The following RPL22 variants were observed in gnomAD, a reference collection of about 807,000 sequenced individuals.
RPL22 encodes large ribosomal subunit protein eL22.
Under a neutral mutation model 16.2 loss-of-function variants are expected in RPL22, and 4 were observed. The ratio of observed to expected loss-of-function variants is 0.25; its 90% CI spans 0.12 to 0.57. The LOEUF (loss-of-function observed/expected upper bound fraction) is 0.57, where lower values mean the gene tolerates loss of function less well. Among genes scored for constraint, RPL22 ranks in the 20% least tolerant of loss-of-function variants. RPL22 has a pLI of 0.92. For missense variants in RPL22, 83 were observed against 156.1 expected (o/e 0.53, Z 2.49); for synonymous variants, 43 against 54.8 (o/e 0.78, Z 0.95).
chr1:6,193,148 T>C, intron 2 of RPL22, 94 bp from the exon 3 acceptor site: 1 of 1,496,390 alleles, frequency 6.7e-7, no homozygotes, highest in Admixed American at 1.8e-5. Context: ...TAATATCATT[T>C]TTTGTTTTGG....
rs760144293 is a variant in RPL22, at chr1:6,199,569, G to A, written c.5C>T (p.Ala2Val). MAPVKKLVVKGG... is the reference protein window; with the variant it reads MVPVKKLVVKGG... ...ACGCGGAGCCATACTAACCACAGGA[G>A]CCATGGCGGCAGCGGAGTTAGAAAG... The change falls in exon 1 of 4, where the codon GCT (alanine) becomes GTT (valine). Residue 2 changes from alanine to valine, a missense_variant. Physicochemically the swap from Ala to Val is moderately conservative, Grantham distance 64 (BLOSUM62 0). Coordinates refer to ENST00000234875, the MANE Select transcript of RPL22 (RefSeq NM_000983.4). 17 of 1,568,250 alleles carry A rather than the reference G, an allele frequency of 1.1e-5. No homozygotes were observed. Among genetic ancestry groups the A allele is most frequent in the Non-Finnish European group, 1.4e-5 (16 of 1,156,820 alleles).
chr1:6,191,511 C>CA lies in RPL22; in HGVS notation c.242+1418dup, dbSNP rs1203497554. 4.2e-3 allele frequency among the ~76,000 whole-genome samples: 465 copies of CA among 109,938 alleles called. 1 individual carries two copies. Among genetic ancestry groups the CA allele is most frequent in the African/African-American group, 0.012 (331 of 28,314 alleles). 72.1% of individuals were successfully genotyped at this position (109,938 alleles called of 152,430 possible). A position where few individuals can be genotyped will look rare whatever the true frequency, so the allele number is the denominator to read the frequency against. On this transcript the variant is annotated intron_variant, in intron 3 of 3. Coordinates refer to ENST00000234875, the MANE Select transcript of RPL22 (RefSeq NM_000983.4). The stretch of plus-strand genomic sequence containing the variant: ...TGAAACCCCGTCTCTACTAAAAATA[C>CA]AAAAAAAAAAAAAATTAGCCAGGCG...
chr1:6,199,388 C>T (rs1667765420), intron 1 of RPL22, 174 bp downstream of exon 1: 2 of 1,340,372 alleles, frequency 1.5e-6, no homozygotes, highest in Non-Finnish European at 1.9e-6. Context: ...GCGGCCTCCT[C>T]CGCCTACAAC....
chr1:6,190,201 G>A (rs936642074), intron 3 of RPL22, among the ~76,000 whole-genome samples: 3 of 152,198 alleles, frequency 2.0e-5, no homozygotes, highest in African/African-American at 4.8e-5. Context: ...CAGGCCGGAC[G>A]CTTTGTACCC....
intron 1 of RPL22, 117 bp from the exon 2 acceptor site, chr1:6,197,873 A>T (rs1667741035): frequency 2.5e-6 from 2 of 784,758 alleles, no homozygotes; most frequent in South Asian, 3.1e-5. Flanking sequence ...AACTAACGGA[A>T]GTGTGCTCCC....
At chr1:6,197,842 T>C (rs1667740626) in intron 1 of RPL22, 86 bp from the exon 2 acceptor site, 12 of 957,352 alleles carry the variant, frequency 1.3e-5, no homozygotes, top group Non-Finnish European at 2.0e-5. Context: ...GTCATAGGTA[T>C]AAAAGTCCAT....
intron 2 of RPL22, among the ~76,000 whole-genome samples, chr1:6,195,092 G>A (rs374097372): frequency 2.5e-4 from 37 of 147,508 alleles, no homozygotes; most frequent in Non-Finnish European, 4.3e-4. Context: ...AGCCAAGATC[G>A]TGCCACTGCA....
chr1:6,197,041 T>C (rs1667728977), intron 2 of RPL22, among the ~76,000 whole-genome samples: 1 of 152,196 alleles, frequency 6.6e-6, no homozygotes, highest in Non-Finnish European at 1.5e-5. Flanking sequence ...TTTTTTGTTT[T>C]GTTTTTGAGA....
chr1:6,186,543 G>C lies in RPL22; in HGVS notation c.*129C>G. 2 of 591,904 alleles carry C rather than the reference G, an allele frequency of 3.4e-6. No homozygotes were observed. Among genetic ancestry groups the C allele is most frequent in the Non-Finnish European group, 5.6e-6 (2 of 355,850 alleles). 36.7% of individuals were successfully genotyped at this position (591,904 alleles called of 1,614,324 possible). A position where few individuals can be genotyped will look rare whatever the true frequency, so the allele number is the denominator to read the frequency against. The stretch of plus-strand genomic sequence containing the variant: ...TACAAATAAATGAGTGGCGAACCAA[G>C]GGAAGCCCTTTGACTATGATTTCCA... On this transcript the variant is annotated 3_prime_UTR_variant, in exon 4 of 4. Transcript: ENST00000234875.
Position 6,185,762 on chromosome 1 carries a change from T to G in RPL22, c.*910A>C, listed in dbSNP as rs1667575523. The G allele has an allele frequency of 4.2e-6, 1 of 238,390 alleles. No homozygotes were observed. Among genetic ancestry groups the G allele is most frequent in the Non-Finnish European group, 8.2e-6 (1 of 121,832 alleles). The allele number at this position is 238,390 out of a possible 1,614,324, so 14.8% of individuals were successfully genotyped here. ...CCTTTCAGTTGTCTAGCCTCTGCAC[T>G]GTGGCACACCACTGACATTAAATCC... On this transcript the variant is annotated 3_prime_UTR_variant, in exon 4 of 4. Coordinates refer to ENST00000234875, the MANE Select transcript of RPL22 (RefSeq NM_000983.4).
At chr1:6,199,228 C>T (rs756296419) in intron 1 of RPL22, 5 of 355,296 alleles carry the variant, frequency 1.4e-5, no homozygotes, top group Non-Finnish European at 2.4e-5. Flanking sequence ...TTCTTCCCCG[C>T]CCTCCACCCA....
chr1:6,185,329 T>C lies in RPL22; in HGVS notation c.*1343A>G, dbSNP rs2100899403. The C allele has an allele frequency of 2.5e-6, 1 of 399,052 alleles. No homozygotes were observed. Among genetic ancestry groups the C allele is most frequent in the Non-Finnish European group, 4.4e-6 (1 of 226,050 alleles). The allele number at this position is 399,052 out of a possible 1,614,324, so 24.7% of individuals were successfully genotyped here. Reference sequence around the variant, plus strand: ...TGCCAAAGAGCAACTGATGCCTCAGTGAAGTTTGAAAGAAACTCTGCTTTC... The same window carrying C: ...TGCCAAAGAGCAACTGATGCCTCAGCGAAGTTTGAAAGAAACTCTGCTTTC... On this transcript the variant is annotated 3_prime_UTR_variant, in exon 4 of 4. Coordinates refer to ENST00000234875, the MANE Select transcript of RPL22 (RefSeq NM_000983.4).
At position 6,185,720 on chromosome 1, in the gene RPL22, T is replaced by C. The variant is rs1571183185; in HGVS notation, c.*952A>G. On this transcript the variant is annotated 3_prime_UTR_variant, in exon 4 of 4. Coordinates refer to ENST00000234875, the MANE Select transcript of RPL22 (RefSeq NM_000983.4). ...ACTCACAGCAACAATTGCATTTTTT[T>C]CCCAGCCTTGGTAGCCCCTTTCAGT... The C allele has an allele frequency of 3.9e-6, 1 of 254,614 alleles. No individual in the cohort carries two copies. The highest frequency in any genetic ancestry group is 2.2e-5 in the African/African-American group (1 of 46,022). The allele number at this position is 254,614 out of a possible 1,614,324, so 15.8% of individuals were successfully genotyped here.
chr1:6,195,713 T>G (rs1331082291), intron 2 of RPL22, among the ~76,000 whole-genome samples: 2 of 151,778 alleles, frequency 1.3e-5, no homozygotes, highest in African/African-American at 4.8e-5. Flanking sequence ...ATCACACCAT[T>G]GCACTCCAGC....
intron 3 of RPL22, among the ~76,000 whole-genome samples, chr1:6,190,667 G>C (rs1014423686): frequency 1.3e-5 from 2 of 152,146 alleles, no homozygotes; most frequent in Non-Finnish European, 2.9e-5. Flanking sequence ...ATGATTAAAA[G>C]CTCCTAACAG....
intron 3 of RPL22, among the ~76,000 whole-genome samples, chr1:6,189,192 A>G (rs1017163170): frequency 2.6e-5 from 4 of 152,104 alleles, no homozygotes; most frequent in Non-Finnish European, 4.4e-5. Context: ...AGCAATCTCC[A>G]CACCAACAAA....
chr1:6,194,636 C>T (rs914653306), intron 2 of RPL22, among the ~76,000 whole-genome samples: 2 of 152,170 alleles, frequency 1.3e-5, no homozygotes, highest in Admixed American at 6.5e-5. Context: ...CCTGTAATCC[C>T]GGCACTTTGG....
chr1:6,187,481 C>G (rs117730888), intron 3 of RPL22, among the ~76,000 whole-genome samples: 18,889 of 151,424 alleles, frequency 0.12, 2,007 homozygotes, highest in African/African-American at 0.28. Context: ...AGACGTCGTG[C>G]TGGGCGCCTG....
At chr1:6,191,463 C>G (rs1366029635) in intron 3 of RPL22, among the ~76,000 whole-genome samples, 1 of 144,062 alleles carries the variant, frequency 6.9e-6, no homozygotes, top group African/African-American at 2.6e-5. Context: ...GTCAGGAGAT[C>G]GAGACCATCC....
Sources: gnomAD v4.1 joint callset for allele counts (sites outside exome capture counted in the v4.1 genomes callset) on GRCh38, gnomAD v4.1.1 for gene constraint, MANE v1.5 for transcripts, NCBI Gene and HGNC (gene_info 2026-07-23, HGNC 2026-07-21) for gene names.